LIPG: variants seen among roughly 807,000 people sequenced by gnomAD.
The protein encoded by LIPG is lipase G, endothelial type.
LIPG carries 34 observed loss-of-function variants against 51.8 expected under a neutral mutation model. The observed-to-expected ratio is 0.66, with a 90% CI of 0.50 to 0.87. LIPG has a LOEUF of 0.87. LIPG is among the 40% of genes least tolerant of loss of function. The pLI, the probability that LIPG is intolerant of heterozygous loss-of-function variation, is 0.00. For missense variants in LIPG, 580 were observed against 652.7 expected, an observed-to-expected ratio of 0.89 and a Z score of 1.21; for synonymous variants, 246 against 246.1, an observed-to-expected ratio of 1.00 and a Z score of 0.00.
chr18:49,587,533 C>T (rs1197886958), intron 9 of LIPG, among the ~76,000 whole-genome samples: 3 of 125,806 alleles, frequency 2.4e-5, no homozygotes, highest in African/African-American at 9.3e-5. Context: ...TGCACCACTG[C>T]ACTCCAGCCT....
intron 4 of LIPG, among the ~76,000 whole-genome samples, chr18:49,570,911 C>T (rs1334793589): frequency 6.6e-6 from 1 of 152,198 alleles, no homozygotes; most frequent in African/African-American, 2.4e-5. Context: ...ATTTCAGTGA[C>T]AAGCTGATAT....
chr18:49,575,552 G>A lies in LIPG; in HGVS notation c.755G>A (p.Cys252Tyr), dbSNP rs757240168. 51 of 1,614,068 alleles carry A rather than the reference G, an allele frequency of 3.2e-5. No individual in the cohort carries two copies. Among genetic ancestry groups the A allele is most frequent in the Non-Finnish European group, 4.3e-5 (51 of 1,180,052 alleles). ...YPNGGDFQPG[C>Y]GLNDVLGSIA... is the part of the protein sequence containing the mutation. Reference sequence around the variant, plus strand: ...AATGGGGGTGACTTCCAGCCAGGCTGTGGACTCAACGATGTCTTGGGATCA... The same window carrying A: ...AATGGGGGTGACTTCCAGCCAGGCTATGGACTCAACGATGTCTTGGGATCA... Residue 252 changes from cysteine to tyrosine, a missense_variant, in exon 5 of 10, where the codon TGT becomes TAT. Physicochemically the swap from Cys to Tyr is radical, Grantham distance 194 (BLOSUM62 -2). Coordinates refer to ENST00000261292, the MANE Select transcript of LIPG (RefSeq NM_006033.4).
intron 1 of LIPG, 148 bp downstream of exon 1, chr18:49,562,553 C>A: frequency 2.6e-6 from 2 of 769,744 alleles, no homozygotes; most frequent in Non-Finnish European, 4.5e-6. Context: ...ACCTTGGAGT[C>A]CACCTGTCTC....
intron 4 of LIPG, among the ~76,000 whole-genome samples, chr18:49,572,055 C>T (rs766872483): frequency 2.0e-5 from 3 of 152,222 alleles, no homozygotes; most frequent in African/African-American, 7.2e-5. Flanking sequence ...CGCAGTGGCT[C>T]ACGCCTGTAA....
rs1036502535 is a variant in LIPG at position 49,596,989 on chromosome 18, G to C, written c.*6467G>C. ...GTCAATGGCTAGTAGACCTTTACCT[G>C]GTCCAGAGTTGTCTGCATTGTTTAA... On this transcript the variant is annotated 3_prime_UTR_variant, in exon 10 of 10. Coordinates refer to ENST00000261292, the MANE Select transcript of LIPG (RefSeq NM_006033.4). The C allele has an allele frequency of 3.3e-5, 5 of 152,150 alleles. No homozygotes were observed. In the East Asian group the frequency reaches 9.6e-4, roughly 29 times the overall value. 9.4% of individuals were successfully genotyped at this position (152,150 alleles called of 1,614,324 possible).
In LIPG at chr18:49,590,595, G is replaced by GCTGA; in HGVS notation, c.*74_*77dup. ...TCCAAGCCCATGGAGGAAAGTTACT[G>GCTGA]CTGAGGACCCACCCAATGGAAGGAT... On this transcript the variant is annotated 3_prime_UTR_variant, in exon 10 of 10. Coordinates refer to ENST00000261292, the MANE Select transcript of LIPG (RefSeq NM_006033.4). The GCTGA allele has an allele frequency of 7.0e-7, 1 of 1,435,936 alleles. No individual in the cohort carries two copies. The highest frequency in any genetic ancestry group is 9.6e-7 in the Non-Finnish European group (1 of 1,039,188). The allele number at this position is 1,435,936 out of a possible 1,614,324, so 88.9% of individuals were successfully genotyped here. A position where few individuals can be genotyped will look rare whatever the true frequency, so the allele number is the denominator to read the frequency against.
At chr18:49,585,032 G>C (rs1402706945) in intron 8 of LIPG, among the ~76,000 whole-genome samples, 1 of 152,148 alleles carries the variant, frequency 6.6e-6, no homozygotes, top group Non-Finnish European at 1.5e-5. Context: ...ATGTTAGTGT[G>C]TTTCCTTCCA....
chr18:49,598,315 C>T lies in LIPG; in HGVS notation c.*7793C>T, dbSNP rs2084992813. 6.6e-6 allele frequency: 1 copy of T among 152,544 alleles called. No individual in the cohort carries two copies. The highest frequency in any genetic ancestry group is 1.5e-5 in the Non-Finnish European group (1 of 68,352). 9.4% of individuals were successfully genotyped at this position (152,544 alleles called of 1,614,324 possible). A position where few individuals can be genotyped will look rare whatever the true frequency, so the allele number is the denominator to read the frequency against. On this transcript the variant is annotated 3_prime_UTR_variant, in exon 10 of 10. Transcript: ENST00000261292. Reference sequence around the variant, plus strand: ...GCTCAAGCAGTCCTCCCACTTCAGCCTCCCAAATAGCTGGGACTACAGGTG... The same window carrying T: ...GCTCAAGCAGTCCTCCCACTTCAGCTTCCCAAATAGCTGGGACTACAGGTG...
intron 1 of LIPG, among the ~76,000 whole-genome samples, chr18:49,564,518 CT>C (rs2084582444): frequency 6.6e-6 from 1 of 152,234 alleles, no homozygotes. Flanking sequence ...TTCTCCATGG[CT>C]TTAGTCATTT....
At chr18:49,567,021 C>T (rs1272670665) in intron 2 of LIPG, among the ~76,000 whole-genome samples, 1 of 152,190 alleles carries the variant, frequency 6.6e-6, no homozygotes, top group Admixed American at 6.5e-5. Flanking sequence ...GGTCCCTGAG[C>T]AGCCAATGTG....
At chr18:49,577,682 GGCCAGGCGGGGGGC>G (rs1450656102) in intron 5 of LIPG, among the ~76,000 whole-genome samples, 24 of 97,198 alleles carry the variant, frequency 2.5e-4, no homozygotes, top group African/African-American at 9.6e-4. Context: ...CGGCACGGCT[GGCCAGGCGGGGGGC>G]TGACCCCCCA....
chr18:49,589,092 C>T (rs1235488166), intron 9 of LIPG, among the ~76,000 whole-genome samples: 2 of 152,150 alleles, frequency 1.3e-5, no homozygotes, highest in African/African-American at 4.8e-5. Flanking sequence ...TTGTTGAGCA[C>T]CGAGGCTCCA....
chr18:49,572,204 C>T (rs560958847), intron 4 of LIPG, among the ~76,000 whole-genome samples: 16 of 152,176 alleles, frequency 1.1e-4, no homozygotes, highest in Admixed American at 3.9e-4. Flanking sequence ...CCTGTAATCC[C>T]AGCTACTCAG....
At chr18:49,586,892 A>C in intron 9 of LIPG, 42 bp downstream of exon 9, 25 of 1,395,140 alleles carry the variant, frequency 1.8e-5, no homozygotes, top group Non-Finnish European at 2.5e-5. Flanking sequence ...GGACACGTTG[A>C]CATGATGATC....
intron 4 of LIPG, among the ~76,000 whole-genome samples, chr18:49,569,872 G>A (rs2084645570): frequency 6.6e-6 from 1 of 152,128 alleles, no homozygotes; most frequent in Admixed American, 6.5e-5. Flanking sequence ...GAGCACCAGG[G>A]AACACAGTTT....
At position 49,573,631 on chromosome 18, in the gene LIPG, G is replaced by A. The variant is rs952840300; in HGVS notation, c.572-1738G>A. On this transcript the variant is annotated intron_variant, in intron 4 of 9. Coordinates refer to ENST00000261292, the MANE Select transcript of LIPG (RefSeq NM_006033.4). ...TCTAAATTTTTGGAAACTATTTAGC[G>A]TTTCAGCCTCTACCAGTTCTCATAT... Among the ~76,000 whole-genome samples, 4 of 151,888 alleles carry A rather than the reference G, an allele frequency of 2.6e-5. No individual in the cohort carries two copies. The South Asian group carries it at 6.2e-4, about 24-fold the overall frequency.
chr18:49,572,738 A>T (rs2084676655), intron 4 of LIPG, among the ~76,000 whole-genome samples: 1 of 151,824 alleles, frequency 6.6e-6, no homozygotes. Flanking sequence ...CTTAAAAAAA[A>T]AAAAAAAAAA....
chr18:49,582,645 C>T (rs1386236515), intron 7 of LIPG, among the ~76,000 whole-genome samples, 163 bp downstream of exon 7: 1 of 152,200 alleles, frequency 6.6e-6, no homozygotes, highest in Non-Finnish European at 1.5e-5. Flanking sequence ...AGTCCTCTCT[C>T]CCACTGCACC....
At chr18:49,570,714 A>C (rs1169860722) in intron 4 of LIPG, among the ~76,000 whole-genome samples, 1 of 152,180 alleles carries the variant, frequency 6.6e-6, no homozygotes, top group African/African-American at 2.4e-5. Context: ...CTGTAATCCC[A>C]GCTACTTGGG....
Sources: allele counts gnomAD v4.1 joint callset (sites outside exome capture counted in the v4.1 genomes callset), GRCh38; gene constraint gnomAD v4.1.1; transcripts MANE v1.5; gene names NCBI Gene and HGNC (gene_info 2026-07-23, HGNC 2026-07-21).